HELLS: variants seen among roughly 807,000 people sequenced by gnomAD.
HELLS encodes the protein helicase, lymphoid specific.
HELLS carries 32 observed loss-of-function variants against 120.0 expected under a neutral mutation model. The observed-to-expected ratio is 0.27, with a 90% CI of 0.20 to 0.36. The LOEUF (loss-of-function observed/expected upper bound fraction) is 0.36. Ranked by LOEUF, HELLS falls within the 10% of genes least tolerant of loss-of-function variation. HELLS has a pLI of 1.00. For missense variants in HELLS, 650 were observed against 993.4 expected (o/e 0.65, Z 4.65); for synonymous variants, 341 against 323.4 (o/e 1.05, Z -0.58).
At chr10:94,568,520 C>T (rs1231504262) in intron 6 of HELLS, among the ~76,000 whole-genome samples, 1 of 152,066 alleles carries the variant, frequency 6.6e-6, no homozygotes, top group Non-Finnish European at 1.5e-5. Context: ...TGTTTATGCC[C>T]TTACTGTGCC....
intron 2 of HELLS, among the ~76,000 whole-genome samples, chr10:94,553,187 G>C (rs1286742013): frequency 2.6e-5 from 4 of 151,822 alleles, no homozygotes; most frequent in African/African-American, 9.7e-5. Context: ...TTCCTTATCT[G>C]TACATAACAA....
intron 10 of HELLS, among the ~76,000 whole-genome samples, chr10:94,579,607 T>C (rs1844716969): frequency 6.6e-6 from 1 of 151,902 alleles, no homozygotes; most frequent in African/African-American, 2.4e-5. Flanking sequence ...TGTGGCACGA[T>C]CTCAGCTCAC....
At chr10:94,609,771 G>A (rs1000649508) in intron 9 of HELLS, 7 of 152,184 alleles carry the variant, frequency 4.6e-5, no homozygotes, top group East Asian at 3.9e-4. Context: ...GGAGCATGGC[G>A]TGGCAAGAAG....
At chr10:94,562,034 G>GC in intron 4 of HELLS, among the ~76,000 whole-genome samples, 1 of 150,744 alleles carries the variant, frequency 6.6e-6, no homozygotes, top group East Asian at 2.0e-4. Flanking sequence ...GCCCGCCTCT[G>GC]CCTCCCAAAG....
At chr10:94,563,397 A>T (rs1843645860) in intron 6 of HELLS, among the ~76,000 whole-genome samples, 1 of 151,978 alleles carries the variant, frequency 6.6e-6, no homozygotes, top group African/African-American at 2.4e-5. Context: ...GCCCATCCTC[A>T]CTTAAGTGGC....
At chr10:94,580,563 T>C (rs1052890299) in intron 10 of HELLS, among the ~76,000 whole-genome samples, 2 of 152,140 alleles carry the variant, frequency 1.3e-5, no homozygotes, top group South Asian at 4.1e-4. Flanking sequence ...GTTTAACATA[T>C]TGCCAGGAAA....
chr10:94,563,355 TA>T (rs1843643978), intron 6 of HELLS, among the ~76,000 whole-genome samples: 1 of 152,184 alleles, frequency 6.6e-6, no homozygotes, highest in East Asian at 1.9e-4. Context: ...CTCGGTCTCC[TA>T]AAATGCCACA....
Position 94,571,414 on chromosome 10 carries a change from TAAA to T in HELLS, c.465_467del (p.Lys156del), listed in dbSNP as rs748982997. On this transcript the variant is annotated inframe_deletion, in exon 7 of 22. Coordinates refer to ENST00000348459, the MANE Select transcript of HELLS (RefSeq NM_018063.5). ...AAATTTTGTCTGTGGCTAAAAAAAA[TAAA>T]AAGGAGAATGAGGTAAGAAATTTAT... is the stretch of plus-strand genomic sequence containing the variant. The T allele has an allele frequency of 6.7e-7, 1 of 1,498,294 alleles. No homozygotes were observed. The highest frequency in any genetic ancestry group is 1.8e-5 in the Admixed American group (1 of 56,752). 92.8% of individuals were successfully genotyped at this position (1,498,294 alleles called of 1,614,324 possible).
chr10:94,567,683 A>G (rs894727161), intron 6 of HELLS, among the ~76,000 whole-genome samples: 3 of 152,132 alleles, frequency 2.0e-5, no homozygotes, highest in African/African-American at 7.2e-5. Context: ...GGGTGAGAGG[A>G]TCACTTAAGC....
At position 94,546,600 on chromosome 10, in the gene HELLS, T is replaced by C; in HGVS notation, c.153+102T>C. 5 of 1,277,540 alleles carry C rather than the reference T, an allele frequency of 3.9e-6. No individual in the cohort carries two copies. In the Admixed American group the frequency reaches 9.7e-5, roughly 25 times the overall value. 79.1% of individuals were successfully genotyped at this position (1,277,540 alleles called of 1,614,324 possible). On this transcript the variant is annotated intron_variant, in intron 2 of 21. Coordinates refer to ENST00000348459, the MANE Select transcript of HELLS (RefSeq NM_018063.5). ...CTTTGCTTTCCTATTTAGTGGGCTT[T>C]TTAATAACTGAAAGAAAACAGCTTT...
chr10:94,575,829 C>T (rs1438841578), intron 9 of HELLS, among the ~76,000 whole-genome samples: 1 of 147,956 alleles, frequency 6.8e-6, no homozygotes, highest in Non-Finnish European at 1.5e-5. Context: ...CAGAGTTTCA[C>T]TGTTGTTGCC....
chr10:94,551,176 T>C (rs968484377), intron 2 of HELLS, among the ~76,000 whole-genome samples: 1 of 152,194 alleles, frequency 6.6e-6, no homozygotes, highest in Non-Finnish European at 1.5e-5. Flanking sequence ...TTATGGGTGA[T>C]TTATATATTT....
intron 19 of HELLS, 60 bp from the exon 20 acceptor site, chr10:94,596,800 A>G: frequency 1.2e-6 from 1 of 859,990 alleles, no homozygotes; most frequent in Non-Finnish European, 1.9e-6. Context: ...TTGGTTTGTA[A>G]TATGTTGTAT....
chr10:94,580,172 CA>C (rs1844787813), intron 10 of HELLS, among the ~76,000 whole-genome samples: 2 of 113,246 alleles, frequency 1.8e-5, no homozygotes, highest in African/African-American at 3.3e-5. Flanking sequence ...TACACACACA[CA>C]CACACACACA....
At chr10:94,555,919 G>A (rs930465767) in intron 3 of HELLS, among the ~76,000 whole-genome samples, 8 of 152,174 alleles carry the variant, frequency 5.3e-5, no homozygotes, top group South Asian at 2.1e-4. Flanking sequence ...GAGCCACTGC[G>A]CCTGGACTGT....
At chr10:94,582,106 A>G (rs1480123050) in intron 11 of HELLS, among the ~76,000 whole-genome samples, 1 of 152,230 alleles carries the variant, frequency 6.6e-6, no homozygotes, top group African/African-American at 2.4e-5. Context: ...ACTGATTACA[A>G]CGGAAATATA....
chr10:94,584,444 A>C (rs1327974856), intron 12 of HELLS, among the ~76,000 whole-genome samples: 1 of 152,046 alleles, frequency 6.6e-6, no homozygotes, highest in Non-Finnish European at 1.5e-5. Context: ...ATGCACCAAT[A>C]GTTATAGAAG....
chr10:94,549,113 T>C (rs542527353), intron 2 of HELLS, among the ~76,000 whole-genome samples: 2 of 152,196 alleles, frequency 1.3e-5, no homozygotes, highest in Admixed American at 6.5e-5. Flanking sequence ...AGTTTTTGAT[T>C]ATTTTTTGCA....
intron 1 of HELLS, among the ~76,000 whole-genome samples, 198 bp downstream of exon 1, chr10:94,546,150 A>T (rs1842743172): frequency 6.6e-6 from 1 of 152,186 alleles, no homozygotes; most frequent in South Asian, 2.1e-4. Context: ...AAGATTTCAC[A>T]TAGGCAACTG....
Sources: gnomAD v4.1 joint callset for allele counts (sites outside exome capture counted in the v4.1 genomes callset) on GRCh38, gnomAD v4.1.1 for gene constraint, MANE v1.5 for transcripts, NCBI Gene and HGNC (gene_info 2026-07-23, HGNC 2026-07-21) for gene names.